The following PCDH15 variants were observed in gnomAD, a reference collection of about 807,000 sequenced individuals.
PCDH15 encodes protocadherin-15.
Under a neutral mutation model 178.5 loss-of-function variants are expected in PCDH15, and 129 were observed. The ratio of observed to expected loss-of-function variants is 0.72; its 90% CI spans 0.63 to 0.84. PCDH15 has a LOEUF of 0.84. Ranked by LOEUF, PCDH15 falls within the 40% of genes least tolerant of loss-of-function variation. PCDH15 has a pLI of 0.00. For missense variants in PCDH15, 2,230 were observed against 2,099.9 expected (o/e 1.06, Z -1.21); for synonymous variants, 800 against 732.0 (o/e 1.09, Z -1.50).
intron 18 of PCDH15, among the ~76,000 whole-genome samples, chr10:54,028,431 T>C (rs185112137): frequency 0.17 from 26,119 of 150,764 alleles, 2,752 homozygotes; most frequent in Non-Finnish European, 0.24. Context: ...AGCCATCCCA[T>C]TACTGGGTAT....
chr10:54,531,151 C>G (rs1449160142), intron 2 of PCDH15, among the ~76,000 whole-genome samples: 1 of 152,122 alleles, frequency 6.6e-6, no homozygotes, highest in African/African-American at 2.4e-5. Flanking sequence ...GCTGCTGATA[C>G]CTGTACCCTG....
At chr10:54,129,719 T>TA (rs1173109240) in intron 15 of PCDH15, among the ~76,000 whole-genome samples, 2 of 152,128 alleles carry the variant, frequency 1.3e-5, no homozygotes, top group South Asian at 2.1e-4. Flanking sequence ...TCTGAGTATA[T>TA]AAAAAATCCA....
chr10:54,298,917 C>T (rs1240680922), intron 8 of PCDH15, among the ~76,000 whole-genome samples: 1 of 152,244 alleles, frequency 6.6e-6, no homozygotes, highest in Non-Finnish European at 1.5e-5. Flanking sequence ...AGTAAGTATG[C>T]TTATCTAATC....
Position 54,577,381 on chromosome 10 carries a change from C to T in PCDH15, c.92-49504G>A, listed in dbSNP as rs190991870. Among the ~76,000 whole-genome samples, 11 of 151,952 alleles carry T rather than the reference C, an allele frequency of 7.2e-5. No homozygotes were observed. The East Asian group carries it at 2.1e-3, about 30-fold the overall frequency. On this transcript the variant is annotated intron_variant, in intron 2 of 37. Coordinates refer to ENST00000644397, the MANE Select transcript of PCDH15 (RefSeq NM_001384140.1). ...TGCTGGGATTACAGGCGTGAGCCAC[C>T]GCTCCCGGCTGAAAATTTTAATTTC...
intron 3 of PCDH15, among the ~76,000 whole-genome samples, chr10:54,824,049 G>A (rs1953088043): frequency 6.6e-6 from 1 of 152,062 alleles, no homozygotes; most frequent in South Asian, 2.1e-4. Context: ...TCTCTTTATT[G>A]TTCCAAAGTT....
chr10:55,625,577 A>C (rs1241489588), intron 2 of PCDH15, among the ~76,000 whole-genome samples: 3 of 152,174 alleles, frequency 2.0e-5, no homozygotes, highest in African/African-American at 2.4e-5. Context: ...ACTTTGAGAA[A>C]AACTGTTCTA....
At chr10:54,259,205 A>G (rs2057138186) in intron 8 of PCDH15, among the ~76,000 whole-genome samples, 1 of 152,214 alleles carries the variant, frequency 6.6e-6, no homozygotes, top group African/African-American at 2.4e-5. Context: ...TACTCTAAAT[A>G]AGCCACAGCC....
chr10:55,450,241 C>G (rs9299561), intron 2 of PCDH15, among the ~76,000 whole-genome samples: 1 of 152,068 alleles, frequency 6.6e-6, no homozygotes, highest in South Asian at 2.1e-4. Flanking sequence ...GCAATCATAA[C>G]ATATAATTAT....
chr10:54,436,026 G>GAAAAGAAAAGAAA (rs768623263), intron 3 of PCDH15, among the ~76,000 whole-genome samples: 30 of 107,328 alleles, frequency 2.8e-4, no homozygotes, highest in African/African-American at 1.3e-3. Context: ...GGAGAGGAGA[G>GAAAAGAAAAGAAA]GAGAGGAGAG....
chr10:54,543,718 T>C (rs1393497477), intron 2 of PCDH15, among the ~76,000 whole-genome samples: 4 of 152,148 alleles, frequency 2.6e-5, no homozygotes, highest in Admixed American at 2.0e-4. Context: ...GTAGCATCGC[T>C]CTAGAAACGT....
At chr10:54,730,616 C>A (rs779636125) in intron 1 of PCDH15, among the ~76,000 whole-genome samples, 3 of 151,224 alleles carry the variant, frequency 2.0e-5, no homozygotes, top group Non-Finnish European at 4.4e-5. Flanking sequence ...GCATTCACAG[C>A]CAACTATTTT....
Position 54,407,017 on chromosome 10 carries a change from C to G in PCDH15, c.158-28075G>C, listed in dbSNP as rs918803041. ...ACTTGTATGCCAAATACACAAAACTCTATGACAACTCAATAACATAAGGAC... is the reference window on the plus strand; with the variant it reads ...ACTTGTATGCCAAATACACAAAACTGTATGACAACTCAATAACATAAGGAC... On this transcript the variant is annotated intron_variant, in intron 3 of 37. Coordinates refer to ENST00000644397, the MANE Select transcript of PCDH15 (RefSeq NM_001384140.1). Among the ~76,000 whole-genome samples the G allele has an allele frequency of 6.6e-5, 10 of 152,220 alleles. No homozygotes were observed. The South Asian group carries it at 1.2e-3, about 19-fold the overall frequency.
chr10:53,931,399 C>A (rs902688144), intron 25 of PCDH15, among the ~76,000 whole-genome samples: 1 of 152,110 alleles, frequency 6.6e-6, no homozygotes, highest in African/African-American at 2.4e-5. Context: ...CACAATCTGG[C>A]CTTAATTTTC....
At chr10:55,010,537 C>T (rs1047655926) in intron 2 of PCDH15, among the ~76,000 whole-genome samples, 1 of 152,094 alleles carries the variant, frequency 6.6e-6, no homozygotes, top group African/African-American at 2.4e-5. Flanking sequence ...GATGTGTCAG[C>T]TGAGGCTTAC....
chr10:55,516,524 A>C (rs555870076), intron 2 of PCDH15, among the ~76,000 whole-genome samples: 1 of 152,312 alleles, frequency 6.6e-6, no homozygotes, highest in Admixed American at 6.5e-5. Flanking sequence ...TGTCTTTCTG[A>C]ATAGCAATGT....
At chr10:54,082,535 C>G (rs939083291) in intron 16 of PCDH15, among the ~76,000 whole-genome samples, 2 of 152,102 alleles carry the variant, frequency 1.3e-5, no homozygotes, top group African/African-American at 4.8e-5. Context: ...AAATGGAAAT[C>G]TATACGTAAA....
At chr10:55,397,056 A>T (rs1837947708) in intron 2 of PCDH15, among the ~76,000 whole-genome samples, 1 of 152,184 alleles carries the variant, frequency 6.6e-6, no homozygotes, top group Non-Finnish European at 1.5e-5. Context: ...CCTATTACGA[A>T]CCAGTTATTT....
At chr10:53,907,420 C>T (rs143461209) in intron 25 of PCDH15, among the ~76,000 whole-genome samples, 313 of 152,260 alleles carry the variant, frequency 2.1e-3, no homozygotes, top group African/African-American at 7.4e-3. Context: ...TAGTATTCCC[C>T]TCCAGTCTCC....
rs74136110 is a variant in PCDH15, at chr10:54,277,126, A to C, written c.876+40145T>G. Among the ~76,000 whole-genome samples the C allele has an allele frequency of 9.6e-3, 1,459 of 151,734 alleles. 24 individuals carry two copies. Among genetic ancestry groups the C allele is most frequent in the African/African-American group, 0.034 (1,404 of 41,516 alleles). On this transcript the variant is annotated intron_variant, in intron 8 of 37. Coordinates refer to ENST00000644397, the MANE Select transcript of PCDH15 (RefSeq NM_001384140.1). ...AGTCCCTCAGTGAGCAGACGTAGAG[A>C]AAAATACCCTAACTGATCTGGAAGT...
Sources: allele counts gnomAD v4.1 joint callset (sites outside exome capture counted in the v4.1 genomes callset), GRCh38; gene constraint gnomAD v4.1.1; transcripts MANE v1.5; gene names NCBI Gene and HGNC (gene_info 2026-07-23, HGNC 2026-07-21).